COL21A1: variants seen among roughly 807,000 people sequenced by gnomAD.
The protein encoded by COL21A1 is collagen alpha-1(XXI) chain.
In COL21A1, 149 loss-of-function variants were observed where a neutral mutation model predicts 137.9. That is an observed-to-expected ratio of 1.08 (90% CI 0.95 to 1.24). COL21A1 has a LOEUF of 1.24. COL21A1 is among the 50% of genes most tolerant of loss of function. The probability of loss-of-function intolerance (pLI) is 0.00; values close to 1 mark genes in which losing one functional copy is unlikely to be tolerated. For missense variants in COL21A1, 1,167 were observed against 1,158.4 expected (o/e 1.01, Z -0.11); for synonymous variants, 456 against 391.5 (o/e 1.16, Z -1.95).
intron 1 of COL21A1, among the ~76,000 whole-genome samples, chr6:56,245,626 T>A (rs1782596660): frequency 6.6e-6 from 1 of 152,202 alleles, no homozygotes; most frequent in South Asian, 2.1e-4. Flanking sequence ...ATGTGAATTA[T>A]GAGGTAAGTG....
intron 17 of COL21A1, among the ~76,000 whole-genome samples, chr6:56,079,724 T>A (rs1468619377): frequency 6.6e-6 from 1 of 151,642 alleles, no homozygotes; most frequent in Non-Finnish European, 1.5e-5. Context: ...AAAAAATTCC[T>A]TTTCTTTTTG....
intron 3 of COL21A1, among the ~76,000 whole-genome samples, chr6:56,175,869 G>C (rs1777429052): frequency 6.6e-6 from 1 of 152,094 alleles, no homozygotes; most frequent in African/African-American, 2.4e-5. Context: ...CACACTTCCT[G>C]ATTTCAAAAT....
chr6:56,113,936 A>T lies in COL21A1; in HGVS notation c.1758+10126T>A, dbSNP rs146644687. ...CAGTGGTCATCTGGCAGTACTCCTC[A>T]TGGCTAGGGGTGGTGGTGGATATGA... On this transcript the variant is annotated intron_variant, in intron 16 of 29. Transcript: ENST00000244728. Among the ~76,000 whole-genome samples the T allele has an allele frequency of 3.7e-3, 559 of 152,228 alleles. 7 individuals carry two copies. Among genetic ancestry groups the T allele is most frequent in the African/African-American group, 0.013 (532 of 41,564 alleles).
intron 1 of COL21A1, among the ~76,000 whole-genome samples, chr6:56,318,993 C>T (rs1178739797): frequency 6.6e-6 from 1 of 152,004 alleles, no homozygotes; most frequent in African/African-American, 2.4e-5. Context: ...TCCAAAACTG[C>T]TCTTGCCATG....
intron 17 of COL21A1, among the ~76,000 whole-genome samples, chr6:56,096,058 G>A (rs1389602343): frequency 6.6e-6 from 1 of 151,910 alleles, no homozygotes. Context: ...TGTTTGCCAG[G>A]CTGGTCTCAA....
At chr6:56,280,665 G>C (rs745590725) in intron 1 of COL21A1, among the ~76,000 whole-genome samples, 5 of 152,220 alleles carry the variant, frequency 3.3e-5, no homozygotes, top group Non-Finnish European at 5.9e-5. Flanking sequence ...TTGTATGAAA[G>C]AGATTTATTC....
chr6:56,141,151 C>T (rs1345100270), intron 12 of COL21A1, among the ~76,000 whole-genome samples: 2 of 152,106 alleles, frequency 1.3e-5, no homozygotes, highest in East Asian at 3.8e-4. Flanking sequence ...CATTTTATTG[C>T]AGCACTATTC....
At chr6:56,115,636 A>T (rs1771848347) in intron 16 of COL21A1, among the ~76,000 whole-genome samples, 1 of 152,172 alleles carries the variant, frequency 6.6e-6, no homozygotes, top group Non-Finnish European at 1.5e-5. Context: ...TACTAGCATC[A>T]ACACCATTCA....
chr6:56,262,030 C>A (rs571524714), intron 1 of COL21A1, among the ~76,000 whole-genome samples: 1 of 152,280 alleles, frequency 6.6e-6, no homozygotes, highest in Admixed American at 6.5e-5. Flanking sequence ...ACTGTCTCTG[C>A]AAAACTCATA....
chr6:56,088,297 GA>G lies in COL21A1; in HGVS notation c.1813-10725del, dbSNP rs377706434. On this transcript the variant is annotated intron_variant, in intron 17 of 29. Coordinates refer to ENST00000244728, the MANE Select transcript of COL21A1 (RefSeq NM_030820.4). ...GAGAATTGCTTGACCCCGGGAGGTG[GA>G]GGTTGCAGTGAGCTGAGATTGCGCC... Among the ~76,000 whole-genome samples the G allele has an allele frequency of 3.1e-3, 475 of 152,256 alleles. 3 individuals carry two copies. The highest frequency in any genetic ancestry group is 0.017 in the Middle Eastern group (5 of 294).
chr6:56,124,183 A>G (rs2152211127), intron 15 of COL21A1, 56 bp downstream of exon 15: 1 of 1,541,922 alleles, frequency 6.5e-7, no homozygotes, highest in Non-Finnish European at 8.8e-7. Context: ...GACAGATACT[A>G]TAAGATAGAT....
intron 1 of COL21A1, among the ~76,000 whole-genome samples, chr6:56,285,536 T>A (rs1279488127): frequency 2.0e-5 from 3 of 152,160 alleles, no homozygotes; most frequent in African/African-American, 7.2e-5. Context: ...ATAAATATAC[T>A]TTAAAGGGGT....
intron 1 of COL21A1, among the ~76,000 whole-genome samples, chr6:56,265,445 G>A (rs1343544775): frequency 6.6e-6 from 1 of 152,228 alleles, no homozygotes; most frequent in Non-Finnish European, 1.5e-5. Flanking sequence ...GGAGACAACT[G>A]TCCCTTTCCC....
intron 1 of COL21A1, among the ~76,000 whole-genome samples, chr6:56,296,562 C>T (rs1205789460): frequency 6.6e-6 from 1 of 151,946 alleles, no homozygotes; most frequent in Non-Finnish European, 1.5e-5. Flanking sequence ...CATCCAAAGG[C>T]AATTTCGTAA....
intron 1 of COL21A1, among the ~76,000 whole-genome samples, chr6:56,225,576 G>T (rs1218550328): frequency 1.3e-5 from 2 of 151,984 alleles, no homozygotes; most frequent in African/African-American, 4.8e-5. Context: ...GCTTGTTCCT[G>T]TCCAAAGGAT....
intron 1 of COL21A1, among the ~76,000 whole-genome samples, chr6:56,220,153 A>G (rs1267945142): frequency 6.6e-6 from 1 of 152,144 alleles, no homozygotes; most frequent in Admixed American, 6.6e-5. Flanking sequence ...ATGGCATAAT[A>G]CATAAACAGC....
chr6:56,118,581 A>C (rs116273693), intron 16 of COL21A1, among the ~76,000 whole-genome samples: 2,061 of 152,178 alleles, frequency 0.014, 25 homozygotes, highest in South Asian at 0.032. Context: ...TCTTTCTATG[A>C]GGCCAGTATT....
chr6:56,124,896 T>C (rs12211103), intron 14 of COL21A1, among the ~76,000 whole-genome samples: 23,051 of 151,672 alleles, frequency 0.15, 1,781 homozygotes, highest in Middle Eastern at 0.22. Context: ...CTGCCCACCT[T>C]AGCCTCCCAA....
At chr6:56,101,107 C>A (rs571839779) in intron 17 of COL21A1, among the ~76,000 whole-genome samples, 1 of 152,090 alleles carries the variant, frequency 6.6e-6, no homozygotes, top group Admixed American at 6.5e-5. Context: ...TGTTTCTCTA[C>A]CCCTGATTTT....
Sources: gnomAD v4.1 joint callset for allele counts (sites outside exome capture counted in the v4.1 genomes callset) on GRCh38, gnomAD v4.1.1 for gene constraint, MANE v1.5 for transcripts, NCBI Gene and HGNC (gene_info 2026-07-23, HGNC 2026-07-21) for gene names.